The following NCOA1 variants were observed in gnomAD, a reference collection of about 807,000 sequenced individuals.
NCOA1 encodes the protein nuclear receptor coactivator 1.
NCOA1 carries 35 observed loss-of-function variants against 150.9 expected under a neutral mutation model. That is an observed-to-expected ratio of 0.23 (90% CI 0.18 to 0.31). The LOEUF (loss-of-function observed/expected upper bound fraction) is 0.31, where lower values mean the gene tolerates loss of function less well. Among genes scored for constraint, NCOA1 ranks in the 10% least tolerant of loss-of-function variants. The pLI is 1.00. For missense variants in NCOA1, 1,491 were observed against 1,749.3 expected (o/e 0.85, Z 2.63); for synonymous variants, 590 against 630.0 (o/e 0.94, Z 0.95).
intron 19 of NCOA1, among the ~76,000 whole-genome samples, chr2:24,748,101 C>T (rs1268937652): frequency 2.0e-5 from 3 of 150,056 alleles, no homozygotes; most frequent in Non-Finnish European, 3.0e-5. Context: ...AACAAAACTC[C>T]GCCTCAAAAA....
chr2:24,770,470 G>A lies in NCOA1; in HGVS notation c.*2079G>A, dbSNP rs565987152. 1.8e-5 allele frequency: 4 copies of A among 225,174 alleles called. No individual in the cohort carries two copies. Among genetic ancestry groups the A allele is most frequent in the South Asian group, 3.7e-4 (2 of 5,450 alleles). The allele number at this position is 225,174 out of a possible 1,614,324, so 13.9% of individuals were successfully genotyped here. On this transcript the variant is annotated 3_prime_UTR_variant, in exon 23 of 23. Transcript: ENST00000348332. ...TAATTGCACTGTTTGTTTTATGTATGTACAGATTAAAATTATTGCTACATT... is the reference window on the plus strand; with the variant it reads ...TAATTGCACTGTTTGTTTTATGTATATACAGATTAAAATTATTGCTACATT...
chr2:24,537,805 ATC>A (rs1385598347), intron 1 of NCOA1, among the ~76,000 whole-genome samples: 6 of 152,130 alleles, frequency 3.9e-5, no homozygotes, highest in Non-Finnish European at 8.8e-5. Context: ...GTTTCTATCT[ATC>A]TATATATATC....
chr2:24,570,805 AAT>A, intron 2 of NCOA1, among the ~76,000 whole-genome samples: 1 of 152,354 alleles, frequency 6.6e-6, no homozygotes, highest in Non-Finnish European at 1.5e-5. Context: ...CAGTTAGCAA[AAT>A]ATAGGTTATG....
intron 2 of NCOA1, among the ~76,000 whole-genome samples, chr2:24,570,853 G>A (rs207461593): frequency 3.3e-5 from 5 of 152,186 alleles, no homozygotes; most frequent in African/African-American, 1.2e-4. Context: ...GTTTTTCAAC[G>A]AGCAAATTGT....
intron 3 of NCOA1, among the ~76,000 whole-genome samples, chr2:24,605,382 A>G (rs924167081): frequency 6.6e-6 from 1 of 152,128 alleles, no homozygotes; most frequent in Non-Finnish European, 1.5e-5. Flanking sequence ...TCTACTATCT[A>G]CCTCTTAAGT....
chr2:24,766,684 C>G (rs1175491707), intron 22 of NCOA1, among the ~76,000 whole-genome samples: 1 of 151,600 alleles, frequency 6.6e-6, no homozygotes, highest in Non-Finnish European at 1.5e-5. Flanking sequence ...CAGGAGAGAA[C>G]AAGAAGAGAA....
chr2:24,755,070 A>G (rs1664430907), intron 20 of NCOA1, among the ~76,000 whole-genome samples: 1 of 152,196 alleles, frequency 6.6e-6, no homozygotes, highest in Non-Finnish European at 1.5e-5. Flanking sequence ...GTGACCACTC[A>G]CTGTCTCTGT....
At chr2:24,756,126 C>T (rs935477399) in intron 20 of NCOA1, among the ~76,000 whole-genome samples, 1 of 150,758 alleles carries the variant, frequency 6.6e-6, no homozygotes, top group Non-Finnish European at 1.5e-5. Flanking sequence ...TGATGGCACA[C>T]GCCTGTAATC....
rs147501597 is a variant in NCOA1, at chr2:24,676,300, T to C, written c.354+2837T>C. 3.1e-3 allele frequency: 473 copies of C among 152,644 alleles called. 5 individuals are homozygous for C. The highest frequency in any genetic ancestry group is 0.02 in the Middle Eastern group (6 of 298). 9.5% of individuals were successfully genotyped at this position (152,644 alleles called of 1,614,324 possible). On this transcript the variant is annotated intron_variant, in intron 7 of 22. Transcript: ENST00000348332. The stretch of plus-strand genomic sequence containing the variant: ...AAGCATTCTGGAAAGAAATCAAAAC[T>C]TGGATGTGGTGCTCACTTTGGCAGC...
intron 1 of NCOA1, among the ~76,000 whole-genome samples, chr2:24,554,930 C>T (rs767723843): frequency 6.6e-5 from 10 of 152,134 alleles, no homozygotes; most frequent in Non-Finnish European, 7.3e-5. Flanking sequence ...CTTGGTATCC[C>T]AGACGAGGTT....
At chr2:24,620,181 G>A (rs1466728373) in intron 3 of NCOA1, among the ~76,000 whole-genome samples, 1 of 152,158 alleles carries the variant, frequency 6.6e-6, no homozygotes, top group Non-Finnish European at 1.5e-5. Flanking sequence ...CCTTTGGGGA[G>A]ACTCAGTTCA....
At chr2:24,752,850 A>C (rs1291560461) in intron 20 of NCOA1, among the ~76,000 whole-genome samples, 1 of 150,438 alleles carries the variant, frequency 6.6e-6, no homozygotes, top group African/African-American at 2.4e-5. Flanking sequence ...TGACTCACCC[A>C]TCTTGCTTAG....
At chr2:24,682,888 G>A in intron 7 of NCOA1, 63 bp from the exon 8 acceptor site, 2 of 1,398,946 alleles carry the variant, frequency 1.4e-6, no homozygotes, top group Non-Finnish European at 1.9e-6. Context: ...ATAGAAAAAT[G>A]TATAGTTTAA....
At chr2:24,755,094 A>C (rs1412579026) in intron 20 of NCOA1, among the ~76,000 whole-genome samples, 3 of 152,248 alleles carry the variant, frequency 2.0e-5, no homozygotes, top group Non-Finnish European at 4.4e-5. Context: ...ACAACACAAG[A>C]TACCATGAGG....
chr2:24,544,760 C>T (rs1489983722), intron 1 of NCOA1, among the ~76,000 whole-genome samples: 1 of 151,954 alleles, frequency 6.6e-6, no homozygotes, highest in South Asian at 2.1e-4. Flanking sequence ...AAAGAAGATT[C>T]TGTTAATAAG....
chr2:24,707,402 G>C lies in NCOA1; in HGVS notation c.1932G>C (p.Gln644His). Residue 644 changes from glutamine (Q) to histidine (H), a missense_variant, in exon 13 of 23, where the codon CAG becomes CAC. Gln to His is a conservative substitution (Grantham distance 24). Transcript: ENST00000348332. ...VQLLTTTAEQ[Q>H]LRHADIDTSC... ...TTTTGACAACAACTGCCGAACAGCA[G>C]TTACGGCATGCTGATATAGACACAA... 6.2e-7 allele frequency: 1 copy of C among 1,614,206 alleles called. No homozygotes were observed. The highest frequency in any genetic ancestry group is 1.1e-5 in the South Asian group (1 of 91,086).
At chr2:24,757,852 GA>G in intron 20 of NCOA1, 120 bp from the exon 21 acceptor site, 1 of 812,574 alleles carries the variant, frequency 1.2e-6, no homozygotes. Flanking sequence ...TATATTTTAA[GA>G]AGTTACAGTC....
intron 8 of NCOA1, among the ~76,000 whole-genome samples, chr2:24,685,137 C>T (rs542339732): frequency 6.6e-6 from 1 of 151,946 alleles, no homozygotes; most frequent in Non-Finnish European, 1.5e-5. Flanking sequence ...ATCACATATA[C>T]ATGATTCAAA....
chr2:24,505,096 G>A (rs145282088), intron 1 of NCOA1, among the ~76,000 whole-genome samples: 12 of 152,110 alleles, frequency 7.9e-5, no homozygotes, highest in Non-Finnish European at 1.3e-4. Flanking sequence ...TGTCCATGAG[G>A]CTTGTTTTTT....
Sources: allele counts gnomAD v4.1 joint callset (sites outside exome capture counted in the v4.1 genomes callset), GRCh38; gene constraint gnomAD v4.1.1; transcripts MANE v1.5; gene names NCBI Gene and HGNC (gene_info 2026-07-23, HGNC 2026-07-21).